The following IL2RB variants were observed in gnomAD, a reference collection of about 807,000 sequenced individuals.
IL2RB encodes the protein interleukin 2 receptor subunit beta.
A neutral mutation model predicts 44.2 loss-of-function variants in IL2RB; 17 were observed. The observed-to-expected ratio is 0.38, with a 90% CI of 0.26 to 0.58. IL2RB has a LOEUF of 0.58. IL2RB is among the 20% of genes least tolerant of loss of function. The pLI is 0.63. For missense variants in IL2RB, 624 were observed against 685.5 expected (o/e 0.91, Z 1.00); for synonymous variants, 286 against 297.9 (o/e 0.96, Z 0.41).
At chr22:37,169,741 C>T (rs777893354) in intron 1 of IL2RB, among the ~76,000 whole-genome samples, 8 of 152,176 alleles carry the variant, frequency 5.3e-5, no homozygotes, top group South Asian at 4.1e-4. Flanking sequence ...CTTCAGGCCC[C>T]GGGTTCACAT....
intron 1 of IL2RB, among the ~76,000 whole-genome samples, chr22:37,167,350 C>T (rs981948856): frequency 1.3e-5 from 2 of 152,218 alleles, no homozygotes; most frequent in African/African-American, 4.8e-5. Flanking sequence ...GTCCCACCAT[C>T]TCTCTGCCTC....
At chr22:37,139,537 A>G (rs1485398004) in intron 4 of IL2RB, among the ~76,000 whole-genome samples, 4 of 152,296 alleles carry the variant, frequency 2.6e-5, no homozygotes, top group African/African-American at 9.6e-5. Context: ...GATATGGCCT[A>G]TGGGTCAAGG....
At chr22:37,156,445 G>A (rs1200474109) in intron 1 of IL2RB, among the ~76,000 whole-genome samples, 4 of 152,188 alleles carry the variant, frequency 2.6e-5, no homozygotes, top group African/African-American at 9.7e-5. Flanking sequence ...CAGGCTAGGT[G>A]GGGTGGCTTT....
chr22:37,152,714 G>T (rs1050364954), upstream of IL2RB, among the ~76,000 whole-genome samples: 2 of 151,996 alleles, frequency 1.3e-5, no homozygotes, highest in Non-Finnish European at 2.9e-5. Context: ...TTTGGCGGGG[G>T]AGAAGGGTGG....
At chr22:37,136,639 C>G (rs977186552) in intron 6 of IL2RB, among the ~76,000 whole-genome samples, 1 of 151,962 alleles carries the variant, frequency 6.6e-6, no homozygotes, top group African/African-American at 2.4e-5. Context: ...CATTCCAGAA[C>G]CATCCCCCTC....
Position 37,142,394 on chromosome 22 carries a change from C to T in IL2RB, c.282+40G>A, listed in dbSNP as rs745414834. The T allele has an allele frequency of 1.5e-5, 24 of 1,563,498 alleles. No individual in the cohort carries two copies. In the East Asian group the frequency reaches 4.9e-4, roughly 32 times the overall value. On this transcript the variant is annotated intron_variant, in intron 4 of 9. Transcript: ENST00000216223. The stretch of plus-strand genomic sequence containing the variant: ...AGATCGCAGCCCGGAGCTGGGAGAC[C>T]ACCCTCTCCCTGCACTCTCTCCCTG...
At chr22:37,159,900 G>A (rs1159578724) in intron 1 of IL2RB, among the ~76,000 whole-genome samples, 8 of 152,232 alleles carry the variant, frequency 5.3e-5, no homozygotes, top group Admixed American at 3.9e-4. Flanking sequence ...GCAGCCCAAA[G>A]CCTTCTCCAC....
chr22:37,163,667 C>T (rs1238429680), intron 1 of IL2RB, among the ~76,000 whole-genome samples: 2 of 151,228 alleles, frequency 1.3e-5, no homozygotes, highest in Non-Finnish European at 2.9e-5. Flanking sequence ...CTTATACCCC[C>T]GCCCTGAGGC....
chr22:37,142,366 C>T (rs897365284), intron 4 of IL2RB, 68 bp downstream of exon 4: 39 of 1,451,664 alleles, frequency 2.7e-5, no homozygotes, highest in Non-Finnish European at 3.8e-5. Context: ...CCGGCCCACC[C>T]TGAGATCGCA....
At chr22:37,135,234 A>G (rs907721456) in intron 8 of IL2RB, 94 bp downstream of exon 8, 103 of 737,838 alleles carry the variant, frequency 1.4e-4, no homozygotes, top group Admixed American at 2.7e-4. Context: ...GTGTGTGTGT[A>G]TGTGTGCTTG....
At chr22:37,172,037 A>G (rs1923302870) in intron 1 of IL2RB, among the ~76,000 whole-genome samples, 1 of 142,906 alleles carries the variant, frequency 7.0e-6, no homozygotes, top group African/African-American at 2.5e-5. Flanking sequence ...TGAGCTATTT[A>G]TGGATCCCCA....
chr22:37,165,056 C>G (rs1014162688), intron 1 of IL2RB, among the ~76,000 whole-genome samples: 1 of 152,210 alleles, frequency 6.6e-6, no homozygotes, highest in Admixed American at 6.5e-5. Context: ...CGCATGTTAC[C>G]TCAGTGAATC....
intron 8 of IL2RB, among the ~76,000 whole-genome samples, chr22:37,133,956 C>G (rs552969596): frequency 2.0e-5 from 3 of 152,280 alleles, no homozygotes; most frequent in South Asian, 4.1e-4. Flanking sequence ...CTCCACACCC[C>G]CCATGGGCTC....
chr22:37,128,033 C>A lies in IL2RB; in HGVS notation c.*63G>T. On this transcript the variant is annotated 3_prime_UTR_variant, in exon 10 of 10. Transcript: ENST00000216223. This position sits in a 1 kb window ranked among gnomAD's most constrained non-coding sequence, Gnocchi z 4.5. ...TCAGCAGTGGACTGAGGACCCTCAA[C>A]AGGGTCCTTCTGAGGCTCGGCGCAG... 7.4e-7 allele frequency: 1 copy of A among 1,358,288 alleles called. No homozygotes were observed. The highest frequency in any genetic ancestry group is 1.7e-5 in the South Asian group (1 of 59,174). The allele number at this position is 1,358,288 out of a possible 1,614,324, so 84.1% of individuals were successfully genotyped here. A position where few individuals can be genotyped will look rare whatever the true frequency, so the allele number is the denominator to read the frequency against.
rs979429693 is a variant in IL2RB at position 37,125,962 on chromosome 22, TAAAG to T, written c.*2130_*2133del. 22 of 152,252 alleles carry T rather than the reference TAAAG, an allele frequency of 1.4e-4. No individual in the cohort carries two copies. The highest frequency in any genetic ancestry group is 1.2e-3 in the Admixed American group (19 of 15,294). 9.4% of individuals were successfully genotyped at this position (152,252 alleles called of 1,614,324 possible). A position where few individuals can be genotyped will look rare whatever the true frequency, so the allele number is the denominator to read the frequency against. On this transcript the variant is annotated 3_prime_UTR_variant, in exon 10 of 10. Transcript: ENST00000216223. ...GTATTTCAACGAAAATGAACTGACT[TAAAG>T]AAAAAATATTAAGGAAATAATCACA...
At chr22:37,129,651 G>A (rs1921322667) in intron 9 of IL2RB, among the ~76,000 whole-genome samples, 3 of 152,198 alleles carry the variant, frequency 2.0e-5, no homozygotes, top group South Asian at 4.1e-4. Flanking sequence ...CAACAGCCAC[G>A]TCTCTCCTGA....
intron 1 of IL2RB, among the ~76,000 whole-genome samples, chr22:37,172,510 G>A (rs567277257): frequency 3.3e-5 from 5 of 152,174 alleles, no homozygotes; most frequent in African/African-American, 9.7e-5. Flanking sequence ...CAAGGGTGGG[G>A]TAAGGGGCTG....
rs752237450 is a variant in IL2RB, at chr22:37,136,219, C to T, written c.703+9G>A. On this transcript the variant is annotated intron_variant, in intron 7 of 9. Transcript: ENST00000216223. ...TGAGCCCCCTCTCACCCTTGCCGCC[C>T]ACCAGTACCTGCAGGCTTTGTCCTG... 2 of 1,606,208 alleles carry T rather than the reference C, an allele frequency of 1.2e-6. No homozygotes were observed. The highest frequency in any genetic ancestry group is 8.5e-7 in the Non-Finnish European group (1 of 1,177,468).
upstream of IL2RB, among the ~76,000 whole-genome samples, chr22:37,154,481 G>T (rs1256058846): frequency 6.6e-6 from 1 of 152,094 alleles, no homozygotes; most frequent in Non-Finnish European, 1.5e-5. Flanking sequence ...CTAATGGGAT[G>T]TGGGAGGAAG....
Sources: allele counts gnomAD v4.1 joint callset (sites outside exome capture counted in the v4.1 genomes callset), GRCh38; gene constraint gnomAD v4.1.1; non-coding constraint Gnocchi (gnomAD v3.1); transcripts MANE v1.5; gene names NCBI Gene and HGNC (gene_info 2026-07-23, HGNC 2026-07-21).